The following GLIS3 variants were observed in gnomAD, a reference collection of about 807,000 sequenced individuals.
GLIS3 encodes zinc finger protein GLIS3.
In GLIS3, 53 loss-of-function variants were observed where a neutral mutation model predicts 78.6. The ratio of observed to expected loss-of-function variants is 0.67; its 90% CI spans 0.54 to 0.85. The LOEUF (loss-of-function observed/expected upper bound fraction) is 0.85, where lower values mean the gene tolerates loss of function less well. GLIS3 is among the 40% of genes least tolerant of loss of function. The pLI is 0.00. For missense variants in GLIS3, 1,703 were observed against 1,231.1 expected (o/e 1.38, Z -5.74); for synonymous variants, 684 against 509.9 (o/e 1.34, Z -4.60).
the GLIS3 span, among the ~76,000 whole-genome samples, chr9:4,433,342 G>C: frequency 6.6e-6 from 1 of 152,096 alleles, no homozygotes; most frequent in African/African-American, 2.4e-5. Flanking sequence ...TGAGGTGGGA[G>C]AATCACTTGA....
chr9:4,083,485 C>A (rs7042166), intron 4 of GLIS3, among the ~76,000 whole-genome samples: 1 of 151,922 alleles, frequency 6.6e-6, no homozygotes, highest in African/African-American at 2.4e-5. Flanking sequence ...GAAGATGTTG[C>A]CATTTATGTT....
chr9:3,959,612 C>G (rs1392839305), intron 4 of GLIS3, among the ~76,000 whole-genome samples: 2 of 152,202 alleles, frequency 1.3e-5, no homozygotes, highest in African/African-American at 4.8e-5. Flanking sequence ...CCTGCAGCTA[C>G]TCTTCCTAAA....
the GLIS3 span, among the ~76,000 whole-genome samples, chr9:4,385,337 C>T: frequency 6.6e-6 from 1 of 152,164 alleles, no homozygotes; most frequent in Non-Finnish European, 1.5e-5. Flanking sequence ...TGTTAGACTC[C>T]ATGAACCTCA....
intron 2 of GLIS3, among the ~76,000 whole-genome samples, chr9:4,131,495 T>C (rs1041876226): frequency 2.0e-5 from 3 of 152,152 alleles, no homozygotes; most frequent in Non-Finnish European, 4.4e-5. Context: ...GCACTGTCCC[T>C]TTGCTGCTAT....
the GLIS3 span, among the ~76,000 whole-genome samples, chr9:4,401,610 C>T: frequency 6.6e-6 from 1 of 150,870 alleles, no homozygotes; most frequent in East Asian, 1.9e-4. Context: ...CTCTGTCGCC[C>T]AGGCTGGAGT....
At chr9:4,072,244 G>C (rs1021899068) in intron 4 of GLIS3, among the ~76,000 whole-genome samples, 1 of 152,148 alleles carries the variant, frequency 6.6e-6, no homozygotes, top group African/African-American at 2.4e-5. Context: ...AGTTAGGCTT[G>C]ACCATTTTCT....
chr9:4,166,493 C>T (rs913684922), intron 2 of GLIS3, among the ~76,000 whole-genome samples: 1 of 152,192 alleles, frequency 6.6e-6, no homozygotes, highest in Non-Finnish European at 1.5e-5. Context: ...AAAAAAATAA[C>T]CATTCTTACA....
At chr9:4,426,167 C>A in the GLIS3 span, among the ~76,000 whole-genome samples, 2 of 152,170 alleles carry the variant, frequency 1.3e-5, no homozygotes, top group Non-Finnish European at 2.9e-5. Flanking sequence ...GATTTTAAAA[C>A]CTCCAAAGTC....
chr9:4,366,285 G>A, the GLIS3 span, among the ~76,000 whole-genome samples: 6 of 151,784 alleles, frequency 4.0e-5, no homozygotes, highest in East Asian at 3.9e-4. Flanking sequence ...AATCATTGTC[G>A]TCAAATAATT....
intron 2 of GLIS3, among the ~76,000 whole-genome samples, chr9:4,316,712 G>A (rs1817441831): frequency 6.6e-6 from 1 of 152,200 alleles, no homozygotes; most frequent in African/African-American, 2.4e-5. Flanking sequence ...TTCCTGCCTT[G>A]CCCCCTGAGC....
At chr9:4,260,902 A>C (rs771939028) in intron 2 of GLIS3, among the ~76,000 whole-genome samples, 1 of 152,234 alleles carries the variant, frequency 6.6e-6, no homozygotes, top group Non-Finnish European at 1.5e-5. Flanking sequence ...AGCCACTAGC[A>C]TATGTAGCTA....
intron 2 of GLIS3, among the ~76,000 whole-genome samples, chr9:4,131,204 C>T (rs1832949708): frequency 1.3e-5 from 2 of 152,132 alleles, no homozygotes. Flanking sequence ...TTTACAGGCT[C>T]ATATAGGTGG....
At chr9:4,001,475 T>C (rs747647603) in intron 4 of GLIS3, among the ~76,000 whole-genome samples, 4 of 152,162 alleles carry the variant, frequency 2.6e-5, no homozygotes, top group African/African-American at 7.2e-5. Flanking sequence ...TACCACACAA[T>C]ATCAAACAAT....
At chr9:4,190,177 G>T (rs1422724390) in intron 2 of GLIS3, among the ~76,000 whole-genome samples, 3 of 152,202 alleles carry the variant, frequency 2.0e-5, no homozygotes, top group African/African-American at 7.2e-5. Flanking sequence ...AACAAAGCTG[G>T]ACGGAGAATG....
At chr9:4,387,295 ATTTT>A in the GLIS3 span, among the ~76,000 whole-genome samples, 1 of 150,684 alleles carries the variant, frequency 6.6e-6, no homozygotes, top group Non-Finnish European at 1.5e-5. Context: ...GCCTCCCAGA[ATTTT>A]TTTTTTAATT....
chr9:3,956,627 TTTTTGTTTTG>T (rs140183933), intron 4 of GLIS3, among the ~76,000 whole-genome samples: 5 of 152,140 alleles, frequency 3.3e-5, no homozygotes, highest in Admixed American at 1.3e-4. Context: ...ATGGAGGGTT[TTTTTGTTTTG>T]TTTTGTTTTG....
At chr9:4,066,595 A>T (rs569515667) in intron 4 of GLIS3, among the ~76,000 whole-genome samples, 1 of 152,328 alleles carries the variant, frequency 6.6e-6, no homozygotes, top group Admixed American at 6.5e-5. Flanking sequence ...AGCCTTACAG[A>T]ACCCATCTGC....
chr9:4,323,874 C>A (rs1252357816), intron 2 of GLIS3, among the ~76,000 whole-genome samples: 3 of 152,226 alleles, frequency 2.0e-5, no homozygotes, highest in Non-Finnish European at 2.9e-5. Context: ...CTCTACTATT[C>A]AGTACATCTA....
intron 9 of GLIS3, among the ~76,000 whole-genome samples, chr9:3,844,319 G>A (rs541537269): frequency 6.6e-6 from 1 of 152,202 alleles, no homozygotes; most frequent in East Asian, 1.9e-4. Context: ...GGTAATTCCA[G>A]TTTAAAATAT....
Sources: gnomAD v4.1 joint callset for allele counts (sites outside exome capture counted in the v4.1 genomes callset) on GRCh38, gnomAD v4.1.1 for gene constraint, MANE v1.5 for transcripts, NCBI Gene and HGNC (gene_info 2026-07-23, HGNC 2026-07-21) for gene names.